The following KCNN4 variants were observed in gnomAD, a reference collection of about 807,000 sequenced individuals.
KCNN4 encodes intermediate conductance calcium-activated potassium channel protein 4.
A neutral mutation model predicts 45.2 loss-of-function variants in KCNN4; 31 were observed. The ratio of observed to expected loss-of-function variants is 0.69; its 90% CI spans 0.52 to 0.92. The LOEUF is 0.92. Ranked by LOEUF, KCNN4 falls within the 40% of genes least tolerant of loss-of-function variation. KCNN4 has a pLI of 0.00. For missense variants in KCNN4, 463 were observed against 574.0 expected, an observed-to-expected ratio of 0.81 and a Z score of 1.98; for synonymous variants, 231 against 254.6, an observed-to-expected ratio of 0.91 and a Z score of 0.88.
At chr19:43,779,162 C>T (rs1246097823) in intron 1 of KCNN4, among the ~76,000 whole-genome samples, 2 of 152,156 alleles carry the variant, frequency 1.3e-5, no homozygotes, top group Admixed American at 1.3e-4. Flanking sequence ...GAGGCAGTGG[C>T]CTGGCCATGG....
At chr19:43,767,831 A>G (rs2146437947) in intron 7 of KCNN4, 124 bp from the exon 8 acceptor site, 11 of 1,216,008 alleles carry the variant, frequency 9.0e-6, no homozygotes, top group Non-Finnish European at 1.3e-5. Context: ...ACCCTCGACA[A>G]TAACTGTTAC....
At position 43,773,832 on chromosome 19, in the gene KCNN4, A is replaced by C. The variant is rs191823939; in HGVS notation, c.683+360T>G. ...TTGGGAAAATATGTCTCCTTCCTCCAAGGCAGAGGCAACCCTTTAGGCAGG... is the reference window on the plus strand; with the variant it reads ...TTGGGAAAATATGTCTCCTTCCTCCCAGGCAGAGGCAACCCTTTAGGCAGG... On this transcript the variant is annotated intron_variant, in intron 3 of 8. Transcript: ENST00000648319. Among the ~76,000 whole-genome samples, 463 of 152,288 alleles carry C rather than the reference A, an allele frequency of 3.0e-3. 3 individuals carry two copies. The highest frequency in any genetic ancestry group is 0.011 in the African/African-American group (445 of 41,562).
Position 43,774,351 on chromosome 19 carries a change from A to C in KCNN4, c.524T>G (p.Leu175Arg), listed in dbSNP as rs1969731492. The change falls in exon 3 of 9, where the codon CTC becomes CGC. Residue 175 changes from leucine (L) to arginine (R), a missense_variant. Transcript: ENST00000648319. This position sits in a 1 kb window ranked among gnomAD's most constrained non-coding sequence, Gnocchi z 5.6. ...RAVLLRSGVL[L>R]NASYRSIGAL... is the part of the protein sequence containing the mutation. ...GCCGATGCTGCGGTAGGAAGCGTTG[A>C]GCAGGACGCCGCTGCGCAGGAGCAC... The C allele has an allele frequency of 6.2e-7, 1 of 1,609,846 alleles. No homozygotes were observed.
At chr19:43,776,751 C>T (rs148045619) in intron 1 of KCNN4, 115 bp from the exon 2 acceptor site, 14 of 689,606 alleles carry the variant, frequency 2.0e-5, no homozygotes, top group Middle Eastern at 2.7e-4. Flanking sequence ...TTCCTAGCCT[C>T]CTTCCCCTGC....
In KCNN4 at chr19:43,774,645, G is replaced by A; in HGVS notation, c.256-26C>T. On this transcript the variant is annotated intron_variant, in intron 2 of 8. Transcript: ENST00000648319. The surrounding 1 kb of genome is among the most constrained non-coding windows in gnomAD (Gnocchi z 5.6). Reference sequence around the variant, plus strand: ...CTGCCGGTAGGGGGCCAAGAAGGGAGGGGTCAGGAGCAGGTCAGGCGCAGG... The same window carrying A: ...CTGCCGGTAGGGGGCCAAGAAGGGAAGGGTCAGGAGCAGGTCAGGCGCAGG... The A allele has an allele frequency of 6.8e-7, 1 of 1,481,364 alleles. No homozygotes were observed. Among genetic ancestry groups the A allele is most frequent in the Non-Finnish European group, 8.9e-7 (1 of 1,124,738 alleles). The allele number at this position is 1,481,364 out of a possible 1,614,324, so 91.8% of individuals were successfully genotyped here.
Position 43,767,014 on chromosome 19 carries a change from G to T in KCNN4, c.*79C>A, listed in dbSNP as rs566964006. ...TTGCACTTGAGGTGCTTTGTTCAGG[G>T]CTGGGTCAGGAGTGGCAGAGACGAT... On this transcript the variant is annotated 3_prime_UTR_variant, in exon 9 of 9. Transcript: ENST00000648319. 3 of 158,224 alleles carry T rather than the reference G, an allele frequency of 1.9e-5. No homozygotes were observed. The highest frequency in any genetic ancestry group is 2.8e-5 in the Non-Finnish European group (2 of 70,800). The allele number at this position is 158,224 out of a possible 1,614,324, so 9.8% of individuals were successfully genotyped here.
rs201043609 is a variant in KCNN4 at position 43,774,223 on chromosome 19, T to C, written c.652A>G (p.Thr218Ala). 1.7e-5 allele frequency: 28 copies of C among 1,612,774 alleles called. No individual in the cohort carries two copies. The South Asian group carries it at 3.0e-4, about 17-fold the overall frequency. Residue 218 changes from threonine to alanine, a missense_variant, in exon 3 of 9, where the codon ACC becomes GCC. Around this residue, in one of 3 missense-constraint regions of KCNN4, gnomAD observed 109 missense variants for 183.7 expected, o/e 0.59. Transcript: ENST00000648319. The surrounding 1 kb of genome is among the most constrained non-coding windows in gnomAD (Gnocchi z 5.6). ...LLGLTLGLWL[T>A]TAWVLSVAER... is the part of the protein sequence containing the mutation. ...GCCACGGACAGCACCCAGGCGGTGG[T>C]CAGCCAGAGGCCAAGCGTGAGGCCG... is the stretch of plus-strand genomic sequence containing the variant.
At position 43,774,771 on chromosome 19, in the gene KCNN4, C is replaced by A; in HGVS notation, c.256-152G>T. The A allele has an allele frequency of 1.7e-6, 1 of 593,610 alleles. No individual in the cohort carries two copies. Among genetic ancestry groups the A allele is most frequent in the Non-Finnish European group, 2.8e-6 (1 of 363,138 alleles). 36.8% of individuals were successfully genotyped at this position (593,610 alleles called of 1,614,324 possible). On this transcript the variant is annotated intron_variant, in intron 2 of 8. Coordinates refer to ENST00000648319, the MANE Select transcript of KCNN4 (RefSeq NM_002250.3). This position sits in a 1 kb window ranked among gnomAD's most constrained non-coding sequence, Gnocchi z 5.6. Reference sequence around the variant, plus strand: ...GGGCGGGAGAGGGATAGGGAGGGAGCGGGACAGGACTTGAGGAAGACATCT... The same window carrying A: ...GGGCGGGAGAGGGATAGGGAGGGAGAGGGACAGGACTTGAGGAAGACATCT...
At chr19:43,775,535 C>T (rs1599678467) in intron 2 of KCNN4, among the ~76,000 whole-genome samples, 1 of 152,176 alleles carries the variant, frequency 6.6e-6, no homozygotes. Context: ...CTACAGGCTA[C>T]TTAGCTACTC....
intron 2 of KCNN4, among the ~76,000 whole-genome samples, chr19:43,775,668 G>A (rs1373888310): frequency 6.6e-6 from 1 of 152,190 alleles, no homozygotes; most frequent in Non-Finnish European, 1.5e-5. Context: ...TAGGAGAGGG[G>A]GAAGAGGGGA....
rs775782981 is a variant in KCNN4 at position 43,774,532 on chromosome 19, A to G, written c.343T>C (p.Cys115Arg). The stretch of plus-strand genomic sequence containing the variant: ...CGCACGGGCGCCGGGTGCAGCCCAC[A>G]CACCACCAGCTCCAGCACGATCTGC... The part of the protein sequence containing the change: ...AAQIVLELVV[C>R]GLHPAPVRGP... Residue 115 changes from cysteine to arginine, a missense_variant, in exon 3 of 9, where the codon TGT (cysteine) becomes CGT (arginine). Coordinates refer to ENST00000648319, the MANE Select transcript of KCNN4 (RefSeq NM_002250.3). The surrounding 1 kb of genome is among the most constrained non-coding windows in gnomAD (Gnocchi z 5.6). 6.3e-7 allele frequency: 1 copy of G among 1,595,640 alleles called. No homozygotes were observed. Among genetic ancestry groups the G allele is most frequent in the Non-Finnish European group, 8.5e-7 (1 of 1,175,840 alleles).
In KCNN4 at chr19:43,772,561, G is replaced by A. The variant is rs1401824353; in HGVS notation, c.684-426C>T. Among the ~76,000 whole-genome samples, 1 of 152,168 alleles carries A rather than the reference G, an allele frequency of 6.6e-6. No homozygotes were observed. The highest frequency in any genetic ancestry group is 1.9e-4 in the East Asian group (1 of 5,192). On this transcript the variant is annotated intron_variant, in intron 3 of 8. Transcript: ENST00000648319. This position sits in a 1 kb window ranked among gnomAD's most constrained non-coding sequence, Gnocchi z 4.4. ...ATATTTTTCTAATTTCCACAAAGAT[G>A]CTGTGTGGTCCAGAAGTGGCCCTAT...
rs201160536 is a variant in KCNN4 at position 43,780,952 on chromosome 19, G to A, written c.-91C>T. ...GGGCAGCCACTGTGGCTTGCAGGTC[G>A]TCAGCCTGCTCTGCTGGCTCTGGGA... is the stretch of plus-strand genomic sequence containing the variant. On this transcript the variant is annotated 5_prime_UTR_variant, in exon 1 of 9. In the 5' UTR this introduces an upstream ATG that the reference lacks. Coordinates refer to ENST00000648319, the MANE Select transcript of KCNN4 (RefSeq NM_002250.3). 11 of 1,321,998 alleles carry A rather than the reference G, an allele frequency of 8.3e-6. No individual in the cohort carries two copies. The highest frequency in any genetic ancestry group is 3.6e-5 in the Admixed American group (2 of 55,744). The allele number at this position is 1,321,998 out of a possible 1,614,324, so 81.9% of individuals were successfully genotyped here. A position where few individuals can be genotyped will look rare whatever the true frequency, so the allele number is the denominator to read the frequency against.
rs1969567181 is a variant in KCNN4 at position 43,769,232 on chromosome 19, TCCG to T, written c.1050-203_1050-201del. On this transcript the variant is annotated intron_variant, in intron 6 of 8. Coordinates refer to ENST00000648319, the MANE Select transcript of KCNN4 (RefSeq NM_002250.3). The surrounding 1 kb of genome is among the most constrained non-coding windows in gnomAD (Gnocchi z 4.4). ...CCCAGTAGAAACCCAGGTACCCAGGTCCGCAGACACACCGAGATATGCGGAGAC... is the reference window on the plus strand; with the variant it reads ...CCCAGTAGAAACCCAGGTACCCAGGTCAGACACACCGAGATATGCGGAGAC... 1 of 671,014 alleles carries T rather than the reference TCCG, an allele frequency of 1.5e-6. No homozygotes were observed. The highest frequency in any genetic ancestry group is 2.6e-6 in the Non-Finnish European group (1 of 386,128). 41.6% of individuals were successfully genotyped at this position (671,014 alleles called of 1,614,324 possible).
At chr19:43,779,982 C>G (rs2146472259) in intron 1 of KCNN4, among the ~76,000 whole-genome samples, 1 of 152,226 alleles carries the variant, frequency 6.6e-6, no homozygotes, top group South Asian at 2.1e-4. Flanking sequence ...TTTCCCATCC[C>G]CACCCCCAAG....
intron 1 of KCNN4, among the ~76,000 whole-genome samples, chr19:43,779,135 C>T (rs1296077827): frequency 6.6e-6 from 1 of 152,164 alleles, no homozygotes; most frequent in African/African-American, 2.4e-5. Context: ...AACAGCTTCC[C>T]CAAGGTCCCA....
chr19:43,775,012 GTAA>G (rs1272147515), intron 2 of KCNN4, among the ~76,000 whole-genome samples: 1 of 152,170 alleles, frequency 6.6e-6, no homozygotes, highest in Non-Finnish European at 1.5e-5. Context: ...CGTAATAACT[GTAA>G]TAATAATATC....
In KCNN4 at chr19:43,774,117, T is replaced by C. The variant is rs1969719452; in HGVS notation, c.683+75A>G. ...TGCTTGGTCCTAGGGGGCCTCAACC[T>C]GCACCGCGGCACAGGACGGCCGCCG... On this transcript the variant is annotated intron_variant, in intron 3 of 8. Coordinates refer to ENST00000648319, the MANE Select transcript of KCNN4 (RefSeq NM_002250.3). The surrounding 1 kb of genome is among the most constrained non-coding windows in gnomAD (Gnocchi z 5.6). 3.4e-6 allele frequency: 5 copies of C among 1,454,520 alleles called. No homozygotes were observed. The highest frequency in any genetic ancestry group is 2.1e-5 in the Admixed American group (1 of 47,424). 90.1% of individuals were successfully genotyped at this position (1,454,520 alleles called of 1,614,324 possible).
chr19:43,780,698 C>T lies in KCNN4; in HGVS notation c.159+5G>A, dbSNP rs1250777639. ...CCCAGCTCCCAGCCACCATGCCCCACTCACCGAGCACCCCCCGAACCACAG... is the reference window on the plus strand; with the variant it reads ...CCCAGCTCCCAGCCACCATGCCCCATTCACCGAGCACCCCCCGAACCACAG... On this transcript the variant is annotated splice_donor_5th_base_variant and intron_variant, in intron 1 of 8. Transcript: ENST00000648319. 1.9e-6 allele frequency: 3 copies of T among 1,612,362 alleles called. No individual in the cohort carries two copies. The Admixed American group carries it at 5.0e-5, about 27-fold the overall frequency.
Sources: allele counts gnomAD v4.1 joint callset (sites outside exome capture counted in the v4.1 genomes callset), GRCh38; gene constraint gnomAD v4.1.1; regional missense constraint gnomAD v4.1.1; non-coding constraint Gnocchi (gnomAD v3.1); transcripts MANE v1.5; gene names NCBI Gene and HGNC (gene_info 2026-07-23, HGNC 2026-07-21).